The following DENND1A variants were observed in gnomAD, a reference collection of about 807,000 sequenced individuals.
DENND1A encodes the protein DENN domain containing 1A, also known as DENN domain-containing protein 1A.
Under a neutral mutation model 113.7 loss-of-function variants are expected in DENND1A, and 51 were observed. The ratio of observed to expected loss-of-function variants is 0.45; its 90% CI spans 0.36 to 0.57. DENND1A has a LOEUF of 0.57. Ranked by LOEUF, DENND1A falls within the 20% of genes least tolerant of loss-of-function variation. The pLI, the probability that DENND1A is intolerant of heterozygous loss-of-function variation, is 0.00. For synonymous variants in DENND1A, 565 were observed against 570.8 expected, an observed-to-expected ratio of 0.99 and a Z score of 0.14; for missense variants, 1,258 against 1,395.9, an observed-to-expected ratio of 0.90 and a Z score of 1.57.
At chr9:123,564,573 C>T (rs145793166) in intron 12 of DENND1A, among the ~76,000 whole-genome samples, 40 of 152,346 alleles carry the variant, frequency 2.6e-4, no homozygotes, top group African/African-American at 8.9e-4. Context: ...GTGCTCTCAC[C>T]CACCATTGCC....
chr9:123,706,651 G>A (rs1353590037), intron 5 of DENND1A, among the ~76,000 whole-genome samples: 2 of 150,630 alleles, frequency 1.3e-5, no homozygotes, highest in African/African-American at 2.4e-5. Flanking sequence ...GGCGCCTGTC[G>A]TCCCAGCTAC....
At chr9:123,916,620 G>T (rs1588236898) in intron 1 of DENND1A, among the ~76,000 whole-genome samples, 1 of 151,990 alleles carries the variant, frequency 6.6e-6, no homozygotes, top group African/African-American at 2.4e-5. Context: ...TGATCTGCCC[G>T]CCTTGGCCAC....
At chr9:123,644,378 C>CAAAAAAAAAAAAA (rs10541486) in intron 9 of DENND1A, among the ~76,000 whole-genome samples, 1 of 84,060 alleles carries the variant, frequency 1.2e-5, no homozygotes, top group Non-Finnish European at 2.1e-5. Flanking sequence ...TTACAAGCTA[C>CAAAAAAAAAAAAA]AAAAAAAAAA....
chr9:123,630,464 T>C lies in DENND1A; in HGVS notation c.631A>G (p.Ile211Val), dbSNP rs894588833. 1.9e-6 allele frequency: 3 copies of C among 1,589,006 alleles called. No homozygotes were observed. Among genetic ancestry groups the C allele is most frequent in the Non-Finnish European group, 1.7e-6 (2 of 1,166,370 alleles). ...CSKLSTLTAC[I>V]HGSAAMLYPM... ...TAGAGCATCGCCGCAGACCCGTGGATGCAGGCAGTCAGCTGGAACAGAGCA... is the reference window on the plus strand; with the variant it reads ...TAGAGCATCGCCGCAGACCCGTGGACGCAGGCAGTCAGCTGGAACAGAGCA... The change falls in exon 10 of 24, where the codon ATC becomes GTC. Residue 211 changes from isoleucine (I) to valine (V), a missense_variant. Transcript: ENST00000394215.
intron 2 of DENND1A, chr9:123,843,295 T>A: frequency 2.5e-6 from 1 of 408,050 alleles, no homozygotes. Context: ...GTATCTACCT[T>A]CTTTTGTCCT....
At chr9:123,750,587 C>G (rs1387363335) in intron 5 of DENND1A, among the ~76,000 whole-genome samples, 1 of 152,186 alleles carries the variant, frequency 6.6e-6, no homozygotes, top group African/African-American at 2.4e-5. Context: ...GGGCCTTCTG[C>G]CAACTGACCA....
chr9:123,705,777 G>T (rs936867213), intron 5 of DENND1A, among the ~76,000 whole-genome samples: 2 of 152,086 alleles, frequency 1.3e-5, no homozygotes, highest in Non-Finnish European at 2.9e-5. Flanking sequence ...ATTTCAACCT[G>T]GTTTTTATGA....
chr9:123,535,361 G>A (rs1357930447), intron 13 of DENND1A, among the ~76,000 whole-genome samples: 3 of 152,124 alleles, frequency 2.0e-5, no homozygotes, highest in Admixed American at 6.5e-5. Flanking sequence ...TGGGAGGATC[G>A]CTTGAGTCCA....
intron 9 of DENND1A, among the ~76,000 whole-genome samples, chr9:123,650,340 A>G (rs770624175): frequency 1.3e-5 from 2 of 152,234 alleles, no homozygotes; most frequent in Admixed American, 6.5e-5. Context: ...TAAAAACTGT[A>G]AGGAAAACTC....
intron 10 of DENND1A, among the ~76,000 whole-genome samples, chr9:123,617,586 G>C (rs1032422870): frequency 2.6e-5 from 4 of 152,224 alleles, no homozygotes; most frequent in Non-Finnish European, 5.9e-5. Context: ...AAATTCTGGA[G>C]AGGTCAACAT....
At chr9:123,566,496 G>A (rs1478667256) in intron 12 of DENND1A, among the ~76,000 whole-genome samples, 3 of 152,178 alleles carry the variant, frequency 2.0e-5, no homozygotes, top group Non-Finnish European at 4.4e-5. Context: ...AGTGGCAAGA[G>A]TTAGAATTCC....
chr9:123,461,771 A>G (rs1216270956), intron 13 of DENND1A: 1 of 152,240 alleles, frequency 6.6e-6, no homozygotes, highest in Non-Finnish European at 1.5e-5. Context: ...TCTGCGCCCT[A>G]AAAATGCAAC....
At chr9:123,615,803 T>C (rs553606165) in intron 10 of DENND1A, among the ~76,000 whole-genome samples, 10 of 152,358 alleles carry the variant, frequency 6.6e-5, no homozygotes, top group Admixed American at 6.5e-4. Context: ...CATGGTGCCA[T>C]GTGCAGAGCA....
At position 123,450,405 on chromosome 9, in the gene DENND1A, C is replaced by T. The variant is rs140770215; in HGVS notation, c.1356+288G>A. 3.9e-5 allele frequency among the ~76,000 whole-genome samples: 6 copies of T among 152,356 alleles called. No individual in the cohort carries two copies. In the East Asian group the frequency reaches 5.8e-4, roughly 15 times the overall value. On this transcript the variant is annotated intron_variant, in intron 18 of 23. Transcript: ENST00000394215. ...GGAACACCAAGCCAATTTCTACAGACGCCTGTGAACTCAGGCCTGGTGGGG... is the reference window on the plus strand; with the variant it reads ...GGAACACCAAGCCAATTTCTACAGATGCCTGTGAACTCAGGCCTGGTGGGG...
Position 123,424,492 on chromosome 9 carries a change from G to T in DENND1A, c.1489-12663C>A, listed in dbSNP as rs142672490. Among the ~76,000 whole-genome samples, 362 of 152,330 alleles carry T rather than the reference G, an allele frequency of 2.4e-3. 1 individual carries two copies. The highest frequency in any genetic ancestry group is 7.6e-3 in the African/African-American group (314 of 41,564). ...TAGGCTCCCACCAGCCCTGGCCTGA[G>T]CAATGTCCGTGGGATCATCAGTGGT... On this transcript the variant is annotated intron_variant, in intron 19 of 23. Coordinates refer to ENST00000394215, the MANE Select transcript of DENND1A (RefSeq NM_001352964.2).
chr9:123,640,372 G>A (rs571265568), intron 9 of DENND1A, among the ~76,000 whole-genome samples: 3 of 152,300 alleles, frequency 2.0e-5, no homozygotes, highest in South Asian at 2.1e-4. Context: ...GGCCAGTCAG[G>A]GGGTAAGGGT....
intron 3 of DENND1A, among the ~76,000 whole-genome samples, chr9:123,774,226 A>G (rs1046692997): frequency 2.6e-5 from 4 of 152,218 alleles, no homozygotes; most frequent in African/African-American, 9.6e-5. Flanking sequence ...GACTTGAAAG[A>G]AAAGCCTGAT....
At chr9:123,686,371 C>T (rs952794213) in intron 5 of DENND1A, among the ~76,000 whole-genome samples, 1 of 152,180 alleles carries the variant, frequency 6.6e-6, no homozygotes, top group Non-Finnish European at 1.5e-5. Flanking sequence ...AGTATGATCA[C>T]GTACAATGAT....
At chr9:123,855,758 C>A (rs1210951072) in intron 2 of DENND1A, among the ~76,000 whole-genome samples, 2 of 152,254 alleles carry the variant, frequency 1.3e-5, no homozygotes, top group Admixed American at 1.3e-4. Context: ...AATTAAGTGT[C>A]CAGGTGCGGC....
Sources: gnomAD v4.1 joint callset for allele counts (sites outside exome capture counted in the v4.1 genomes callset) on GRCh38, gnomAD v4.1.1 for gene constraint, MANE v1.5 for transcripts, NCBI Gene and HGNC (gene_info 2026-07-23, HGNC 2026-07-21) for gene names.